TBCD: variants seen among roughly 807,000 people sequenced by gnomAD.
TBCD encodes tubulin-specific chaperone D.
Under a neutral mutation model 169.3 loss-of-function variants are expected in TBCD, and 105 were observed. The ratio of observed to expected loss-of-function variants is 0.62; its 90% CI spans 0.53 to 0.73. The LOEUF (loss-of-function observed/expected upper bound fraction) is 0.73, where lower values mean the gene tolerates loss of function less well. TBCD is among the 30% of genes least tolerant of loss of function. The pLI, the probability that TBCD is intolerant of heterozygous loss-of-function variation, is 0.00. For missense variants in TBCD, 1,444 were observed against 1,600.1 expected (o/e 0.90, Z 1.66); for synonymous variants, 700 against 643.9 (o/e 1.09, Z -1.32).
intron 20 of TBCD, among the ~76,000 whole-genome samples, chr17:82,907,006 C>T (rs2060297216): frequency 6.6e-6 from 1 of 152,242 alleles, no homozygotes; most frequent in African/African-American, 2.4e-5. Context: ...GATGTGACCA[C>T]ACCTGTGAGG....
At position 82,889,728 on chromosome 17, in the gene TBCD, A is replaced by G. The variant is rs2058999558; in HGVS notation, c.1563+31A>G. The G allele has an allele frequency of 6.2e-7, 1 of 1,611,418 alleles. No homozygotes were observed. ...GCTGCTTTCAAACACCTTTATTCCA[A>G]AAACTTCCTGCGGGTTTATAGGTAG... On this transcript the variant is annotated intron_variant, in intron 16 of 38. Coordinates refer to ENST00000355528, the MANE Select transcript of TBCD (RefSeq NM_005993.5). This position sits in a 1 kb window ranked among gnomAD's most constrained non-coding sequence, Gnocchi z 5.3.
intron 13 of TBCD, chr17:82,865,487 C>G (rs2057103420): frequency 1.0e-6 from 1 of 985,338 alleles, no homozygotes; most frequent in South Asian, 4.7e-5. Context: ...TGGGAGGTGC[C>G]CACGTTTCCA....
chr17:82,797,469 C>T (rs750365373), intron 7 of TBCD, among the ~76,000 whole-genome samples: 18 of 152,104 alleles, frequency 1.2e-4, no homozygotes, highest in Admixed American at 6.6e-5. Flanking sequence ...TAAACCTGGG[C>T]ACGTTTTGTG....
chr17:82,901,968 GTAGCGTCGGAGCTGTGGGACTCTCCAGC>G (rs1567996319), intron 18 of TBCD, among the ~76,000 whole-genome samples: 7 of 152,008 alleles, frequency 4.6e-5, no homozygotes, highest in South Asian at 2.1e-4. Flanking sequence ...ATATATGCCC[GTAGCGTCGGAGCTGTGGGACTCTCCAGC>G]TGGTACATAT....
In TBCD at chr17:82,806,017, T is replaced by C; in HGVS notation, c.1087+6T>C. On this transcript the variant is annotated splice_donor_region_variant and intron_variant, in intron 10 of 38. Transcript: ENST00000355528. This position sits in a 1 kb window ranked among gnomAD's most constrained non-coding sequence, Gnocchi z 5.1. ...GGGGGTGGAGCGTGTGATAGGTGCG[T>C]GGGGTCTAAGCGGCGGCCTCTGCTC... 6.2e-7 allele frequency: 1 copy of C among 1,612,692 alleles called. No homozygotes were observed. Among genetic ancestry groups the C allele is most frequent in the African/African-American group, 1.3e-5 (1 of 74,974 alleles).
Position 82,782,417 on chromosome 17 carries a change from C to T in TBCD, c.771+696C>T, listed in dbSNP as rs1405754456. On this transcript the variant is annotated intron_variant, in intron 7 of 38. Coordinates refer to ENST00000355528, the MANE Select transcript of TBCD (RefSeq NM_005993.5). This position sits in a 1 kb window ranked among gnomAD's most constrained non-coding sequence, Gnocchi z 5.1. ...CAGCGCCTTCTTCTCTCTTTAATTA[C>T]AGCGGGTGAGGCTTTGAGAGCACTT... 6.6e-6 allele frequency among the ~76,000 whole-genome samples: 1 copy of T among 152,240 alleles called. No individual in the cohort carries two copies. Among genetic ancestry groups the T allele is most frequent in the South Asian group, 2.1e-4 (1 of 4,832 alleles).
Position 82,752,197 on chromosome 17 carries a change from G to T in TBCD, c.4G>T (p.Ala2Ser). The T allele has an allele frequency of 1.3e-6, 2 of 1,521,690 alleles. No homozygotes were observed. Among genetic ancestry groups the T allele is most frequent in the Non-Finnish European group, 1.8e-6 (2 of 1,136,890 alleles). 94.3% of individuals were successfully genotyped at this position (1,521,690 alleles called of 1,614,324 possible). The change falls in exon 1 of 39, where the codon GCC becomes TCC. Residue 2 changes from alanine (A) to serine (S), a missense_variant. Transcript: ENST00000355528. The stretch of plus-strand genomic sequence containing the variant: ...GCGCGGTCCCCAGGCTGCCGAGATG[G>T]CCCTGAGCGACGAACCGGCCGCGGG... M[A>S]LSDEPAAGGP...
chr17:82,917,532 C>T (rs939363930), intron 23 of TBCD, among the ~76,000 whole-genome samples: 1 of 152,188 alleles, frequency 6.6e-6, no homozygotes, highest in Admixed American at 6.5e-5. Flanking sequence ...GCATCTCCAC[C>T]AAGCTGCAGG....
At chr17:82,777,187 AC>A (rs1328964174) in intron 6 of TBCD, among the ~76,000 whole-genome samples, 1 of 151,826 alleles carries the variant, frequency 6.6e-6, no homozygotes, top group Non-Finnish European at 1.5e-5. Context: ...ATTTTTCTCT[AC>A]CGTTTATTAA....
chr17:82,860,243 T>C, intron 13 of TBCD: 1 of 345,932 alleles, frequency 2.9e-6, no homozygotes, highest in South Asian at 1.2e-4. Context: ...CGCACAGTGT[T>C]GAGCAGAGCG....
Position 82,923,517 on chromosome 17 carries a change from G to A in TBCD, c.2179-135G>A, listed in dbSNP as rs1180569223. 1.4e-6 allele frequency: 1 copy of A among 709,374 alleles called. No individual in the cohort carries two copies. Among genetic ancestry groups the A allele is most frequent in the Non-Finnish European group, 2.4e-6 (1 of 419,408 alleles). 43.9% of individuals were successfully genotyped at this position (709,374 alleles called of 1,614,324 possible). A position where few individuals can be genotyped will look rare whatever the true frequency, so the allele number is the denominator to read the frequency against. On this transcript the variant is annotated intron_variant, in intron 25 of 38. Coordinates refer to ENST00000355528, the MANE Select transcript of TBCD (RefSeq NM_005993.5). The surrounding 1 kb of genome is among the most constrained non-coding windows in gnomAD (Gnocchi z 4.6). ...CCGCTGGGTCCCTGGTCAGGCAGGG[G>A]CTGCTCTGACCTCAGGGTGACCACG...
rs1266601916 is a variant in TBCD at position 82,799,364 on chromosome 17, G to A, written c.818-1500G>A. On this transcript the variant is annotated intron_variant, in intron 8 of 38. Coordinates refer to ENST00000355528, the MANE Select transcript of TBCD (RefSeq NM_005993.5). The stretch of plus-strand genomic sequence containing the variant: ...AGGCGGAGGCAGGAGAATCCCTTGA[G>A]CCAGGGAGTTGGAGGTTGCAGTGAG... 2.1e-5 allele frequency among the ~76,000 whole-genome samples: 3 copies of A among 142,344 alleles called. No individual in the cohort carries two copies. In the Admixed American group the frequency reaches 2.2e-4, roughly 10 times the overall value. The allele number at this position is 142,344 out of a possible 152,430, so 93.4% of individuals were successfully genotyped here.
At chr17:82,910,347 C>T (rs1264211843) in intron 22 of TBCD, among the ~76,000 whole-genome samples, 1 of 152,212 alleles carries the variant, frequency 6.6e-6, no homozygotes, top group East Asian at 1.9e-4. Context: ...CCCAGGGCTC[C>T]TGGTGCTGAG....
chr17:82,812,627 C>T (rs1228265754), intron 12 of TBCD, among the ~76,000 whole-genome samples: 1 of 152,208 alleles, frequency 6.6e-6, no homozygotes, highest in African/African-American at 2.4e-5. Flanking sequence ...TCACTGCGAT[C>T]TCCGCCTCCT....
intron 13 of TBCD, among the ~76,000 whole-genome samples, chr17:82,857,773 A>AT (rs1025136133): frequency 4.2e-5 from 6 of 142,348 alleles, no homozygotes; most frequent in East Asian, 2.0e-4. Context: ...ATTTAATTTA[A>AT]TTTTTTTTTC....
intron 17 of TBCD, among the ~76,000 whole-genome samples, chr17:82,899,108 C>G (rs1021633923): frequency 2.0e-5 from 3 of 152,212 alleles, no homozygotes; most frequent in African/African-American, 7.2e-5. Flanking sequence ...GGGGACCGTC[C>G]GCAGCGCGTG....
At chr17:82,770,730 C>T (rs546485608) in intron 5 of TBCD, among the ~76,000 whole-genome samples, 14 of 151,506 alleles carry the variant, frequency 9.2e-5, no homozygotes, top group East Asian at 5.9e-4. Context: ...AAGCCTGCCC[C>T]GGAGGCCGGG....
intron 23 of TBCD, among the ~76,000 whole-genome samples, chr17:82,912,484 C>T (rs1286311983): frequency 1.3e-5 from 2 of 152,214 alleles, no homozygotes; most frequent in African/African-American, 4.8e-5. Context: ...CCCCAAGGTC[C>T]AGGGAGCTGG....
rs1219789566 is a variant in TBCD, at chr17:82,816,868, A to G, written c.1318+1934A>G. Among the ~76,000 whole-genome samples, 8 of 151,792 alleles carry G rather than the reference A, an allele frequency of 5.3e-5. No individual in the cohort carries two copies. The East Asian group carries it at 1.6e-3, about 29-fold the overall frequency. On this transcript the variant is annotated intron_variant, in intron 13 of 38. Transcript: ENST00000355528. ...TTCTTTAAAAAAAAAAAAAAAAAAA[A>G]AAGCCGTCCTAGTGAGTGTGAAGCG...
Sources: gnomAD v4.1 joint callset for allele counts (sites outside exome capture counted in the v4.1 genomes callset) on GRCh38, gnomAD v4.1.1 for gene constraint, Gnocchi (gnomAD v3.1) non-coding constraint, MANE v1.5 for transcripts, NCBI Gene and HGNC (gene_info 2026-07-23, HGNC 2026-07-21) for gene names.